Variants in RBM46 observed in about 807,000 individuals in gnomAD.
RBM46 encodes RNA binding motif protein 46.
In RBM46, 12 loss-of-function variants were observed where a neutral mutation model predicts 43.3. The observed-to-expected ratio is 0.28, with a 90% confidence interval of 0.18 to 0.45. The LOEUF (loss-of-function observed/expected upper bound fraction) is 0.45, where lower values mean the gene tolerates loss of function less well. Among genes scored for constraint, RBM46 ranks in the 20% least tolerant of loss-of-function variants. RBM46 has a pLI of 1.00. For missense variants in RBM46, 412 were observed against 639.1 expected (o/e 0.64, Z 3.83); for synonymous variants, 205 against 207.6 (o/e 0.99, Z 0.11).
intron 4 of RBM46, among the ~76,000 whole-genome samples, chr4:154,826,591 C>CTG (rs1482494544): frequency 1.3e-5 from 2 of 152,052 alleles, no homozygotes; most frequent in Admixed American, 1.3e-4. Context: ...ATATTTGGAA[C>CTG]TGGTTACTTT....
At chr4:154,826,947 C>T in intron 4 of RBM46, 1 of 1,314,936 alleles carries the variant, frequency 7.6e-7, no homozygotes, top group Non-Finnish European at 9.7e-7. Flanking sequence ...AATTTCTTTT[C>T]TTCCATTCCT....
At chr4:154,787,557 C>T (rs1475286224) in intron 1 of RBM46, among the ~76,000 whole-genome samples, 4 of 152,024 alleles carry the variant, frequency 2.6e-5, no homozygotes, top group Non-Finnish European at 5.9e-5. Flanking sequence ...TGTATATGTG[C>T]CACATTTTCT....
intron 1 of RBM46, among the ~76,000 whole-genome samples, chr4:154,793,628 C>T (rs895338820): frequency 3.3e-5 from 5 of 152,088 alleles, no homozygotes; most frequent in African/African-American, 9.7e-5. Flanking sequence ...GAGTTTGAAC[C>T]GTAGGAAGCC....
chr4:154,782,709 T>C lies in RBM46; in HGVS notation c.-12+1273T>C, dbSNP rs202087704. On this transcript the variant is annotated intron_variant, in intron 1 of 4. Transcript: ENST00000281722. ...TGTTGGCCAGGATGGTCTCGATCTCTGGACCTCATGATCCACCCGCTTCGG... is the reference window on the plus strand; with the variant it reads ...TGTTGGCCAGGATGGTCTCGATCTCCGGACCTCATGATCCACCCGCTTCGG... 1.2e-4 allele frequency among the ~76,000 whole-genome samples: 18 copies of C among 152,264 alleles called. No homozygotes were observed. The East Asian group carries it at 2.5e-3, about 21-fold the overall frequency.
rs1397891209 is a variant in RBM46, at chr4:154,820,365, A to G, written c.1403-7503A>G. On this transcript the variant is annotated intron_variant, in intron 4 of 4. Transcript: ENST00000281722. Reference sequence around the variant, plus strand: ...TTTTCTGTCTTCACTGCTTACAGACAGGGAACACAATCTCTTCAGCCTGGA... The same window carrying G: ...TTTTCTGTCTTCACTGCTTACAGACGGGGAACACAATCTCTTCAGCCTGGA... 3.3e-6 allele frequency: 5 copies of G among 1,521,884 alleles called. No individual in the cohort carries two copies. The African/African-American group carries it at 6.9e-5, about 21-fold the overall frequency. 94.3% of individuals were successfully genotyped at this position (1,521,884 alleles called of 1,614,324 possible). A position where few individuals can be genotyped will look rare whatever the true frequency, so the allele number is the denominator to read the frequency against.
chr4:154,808,230 T>C lies in RBM46; in HGVS notation c.1402+8666T>C, dbSNP rs189115506. Among the ~76,000 whole-genome samples, 11 of 152,126 alleles carry C rather than the reference T, an allele frequency of 7.2e-5. No individual in the cohort carries two copies. The East Asian group carries it at 2.1e-3, about 29-fold the overall frequency. ...CACAAATTCAAGGGATTGGCACTTA[T>C]TTAAATAAAATGTAAACCATGATAT... On this transcript the variant is annotated intron_variant, in intron 4 of 4. Transcript: ENST00000281722.
At chr4:154,822,719 T>C (rs899786893) in intron 4 of RBM46, among the ~76,000 whole-genome samples, 47 of 151,754 alleles carry the variant, frequency 3.1e-4, no homozygotes, top group Admixed American at 2.3e-3. Context: ...TCAATACAGA[T>C]CTCATAGGTA....
At chr4:154,812,524 T>C (rs540126143) in intron 4 of RBM46, among the ~76,000 whole-genome samples, 5 of 152,314 alleles carry the variant, frequency 3.3e-5, no homozygotes, top group Non-Finnish European at 5.9e-5. Flanking sequence ...AGACAGAACA[T>C]CAAACAGGCA....
chr4:154,802,124 A>C (rs1459933583), intron 4 of RBM46, among the ~76,000 whole-genome samples: 2 of 152,244 alleles, frequency 1.3e-5, no homozygotes, highest in Admixed American at 1.3e-4. Context: ...ATTTCGGTGG[A>C]GTACGCAAAG....
rs562812648 is a variant in RBM46, at chr4:154,801,486, AG to A, written c.1402+1924del. ...CATCTAAGTTAAAGATAAAATTGTTAGGTAGACAGCAAATAATTCAAATTAA... is the reference window on the plus strand; with the variant it reads ...CATCTAAGTTAAAGATAAAATTGTTAGTAGACAGCAAATAATTCAAATTAA... On this transcript the variant is annotated intron_variant, in intron 4 of 4. Coordinates refer to ENST00000281722, the MANE Select transcript of RBM46 (RefSeq NM_144979.5). 1.6e-4 allele frequency among the ~76,000 whole-genome samples: 24 copies of A among 152,362 alleles called. No individual in the cohort carries two copies. The South Asian group carries it at 5.0e-3, about 32-fold the overall frequency.
At chr4:154,796,578 T>G (rs569077823) in intron 1 of RBM46, among the ~76,000 whole-genome samples, 164 bp from the exon 2 acceptor site, 1 of 152,224 alleles carries the variant, frequency 6.6e-6, no homozygotes, top group Non-Finnish European at 1.5e-5. Flanking sequence ...TTTCCAAGTT[T>G]CCACTGTAGG....
At position 154,798,948 on chromosome 4, in the gene RBM46, T is replaced by C; in HGVS notation, c.786T>C (p.Gly262=). The C allele has an allele frequency of 6.2e-7, 1 of 1,613,742 alleles. No homozygotes were observed. The highest frequency in any genetic ancestry group is 8.5e-7 in the Non-Finnish European group (1 of 1,179,880). ...CAGAATTCAATAAATTTAAGCCTGG[T>C]GCAGTTGAACGGGTAAAGAAACTTA... ...IKAEFNKFKP[G]AVERVKKLRD... The change falls in exon 4 of 5, where the codon GGT becomes GGC. Residue 262 remains glycine, a synonymous_variant. Coordinates refer to ENST00000281722, the MANE Select transcript of RBM46 (RefSeq NM_144979.5).
At chr4:154,826,846 A>G in intron 4 of RBM46, 4 of 1,514,846 alleles carry the variant, frequency 2.6e-6, no homozygotes, top group Non-Finnish European at 3.5e-6. Context: ...TCCCATGACA[A>G]CATTAAGTTA....
In RBM46 at chr4:154,828,759, G is replaced by A. The variant is rs762403534; in HGVS notation, c.*692G>A. 2.0e-5 allele frequency: 3 copies of A among 152,476 alleles called. No homozygotes were observed. The highest frequency in any genetic ancestry group is 4.4e-5 in the Non-Finnish European group (3 of 67,982). The allele number at this position is 152,476 out of a possible 1,614,324, so 9.4% of individuals were successfully genotyped here. A position where few individuals can be genotyped will look rare whatever the true frequency, so the allele number is the denominator to read the frequency against. On this transcript the variant is annotated 3_prime_UTR_variant, in exon 5 of 5. Coordinates refer to ENST00000281722, the MANE Select transcript of RBM46 (RefSeq NM_144979.5). ...TGGGTTTTTAATGTTGAAATCATGT[G>A]TTAATTTTTGTACTTGAATTCAAAT...
At chr4:154,796,056 T>C (rs1734337372) in intron 1 of RBM46, among the ~76,000 whole-genome samples, 1 of 152,086 alleles carries the variant, frequency 6.6e-6, no homozygotes, top group Non-Finnish European at 1.5e-5. Flanking sequence ...CAGTCCCAGC[T>C]ACTTGGGGGA....
chr4:154,817,324 T>A (rs1208824195), intron 4 of RBM46, among the ~76,000 whole-genome samples: 1 of 133,452 alleles, frequency 7.5e-6, no homozygotes. Flanking sequence ...ATTTGGTTTT[T>A]CTCTTTCTTT....
chr4:154,803,661 C>A (rs1365295436), intron 4 of RBM46, among the ~76,000 whole-genome samples: 1 of 132,532 alleles, frequency 7.5e-6, no homozygotes, highest in South Asian at 2.3e-4. Flanking sequence ...CGACATCAAG[C>A]CACTGCACTC....
rs369685877 is a variant in RBM46 at position 154,822,343 on chromosome 4, G to A, written c.1403-5525G>A. Among the ~76,000 whole-genome samples the A allele has an allele frequency of 5.3e-5, 8 of 151,456 alleles. No individual in the cohort carries two copies. In the East Asian group the frequency reaches 5.8e-4, roughly 11 times the overall value. ...CCCCTTGCTTTCGAAGGTTTAAATC[G>A]TAATCTTTAGATAATTTAAAATTTC... On this transcript the variant is annotated intron_variant, in intron 4 of 4. Transcript: ENST00000281722.
intron 1 of RBM46, chr4:154,787,315 TA>T (rs1409940789): frequency 4.0e-5 from 6 of 149,656 alleles, no homozygotes; most frequent in Non-Finnish European, 8.9e-5. Flanking sequence ...GTATATCTCC[TA>T]ATGCTATCCC....
Sources: allele counts gnomAD v4.1 joint callset (sites outside exome capture counted in the v4.1 genomes callset), GRCh38; gene constraint gnomAD v4.1.1; transcripts MANE v1.5; gene names NCBI Gene and HGNC (gene_info 2026-07-23, HGNC 2026-07-21).